The following RASAL2 variants were observed in gnomAD, a reference collection of about 807,000 sequenced individuals.
RASAL2 encodes ras GTPase-activating protein nGAP.
A neutral mutation model predicts 128.9 loss-of-function variants in RASAL2; 58 were observed. The ratio of observed to expected loss-of-function variants is 0.45; its 90% CI spans 0.36 to 0.56. RASAL2 has a LOEUF of 0.56. Among genes scored for constraint, RASAL2 ranks in the 20% least tolerant of loss-of-function variants. The probability of loss-of-function intolerance (pLI) is 0.00; values close to 1 mark genes in which losing one functional copy is unlikely to be tolerated. For missense variants in RASAL2, 1,360 were observed against 1,601.6 expected (o/e 0.85, Z 2.57); for synonymous variants, 561 against 580.8 (o/e 0.97, Z 0.49).
intron 6 of RASAL2, among the ~76,000 whole-genome samples, chr1:178,441,060 A>G (rs1389336356): frequency 1.2e-4 from 15 of 123,740 alleles, no homozygotes. Context: ...ATTTCCTTGG[A>G]TGAATTTAAA....
chr1:178,197,274 G>T (rs1374737891), intron 1 of RASAL2, among the ~76,000 whole-genome samples: 2 of 152,102 alleles, frequency 1.3e-5, no homozygotes, highest in East Asian at 3.8e-4. Context: ...TGACCAACAT[G>T]GTGAAACCTC....
chr1:178,303,872 T>C (rs559554871), intron 3 of RASAL2, among the ~76,000 whole-genome samples: 75 of 152,216 alleles, frequency 4.9e-4, no homozygotes, highest in Non-Finnish European at 8.2e-4. Flanking sequence ...TCCGTTTATA[T>C]CAAGTTCCAA....
intron 1 of RASAL2, among the ~76,000 whole-genome samples, chr1:178,209,152 C>A (rs1364273605): frequency 6.6e-6 from 1 of 151,606 alleles, no homozygotes; most frequent in Non-Finnish European, 1.5e-5. Context: ...TTAAATTATC[C>A]CACCCCACAC....
At position 178,114,521 on chromosome 1, in the gene RASAL2, G is replaced by A. The variant is rs577663324; in HGVS notation, c.202+19827G>A. ...TATTGTGAATAACCTTGATTTTTGA[G>A]GTTTTTTTTTTTTTCTTTGAGATGG... is the stretch of plus-strand genomic sequence containing the variant. On this transcript the variant is annotated intron_variant, in intron 1 of 17. Coordinates refer to ENST00000367649, the MANE Select transcript of RASAL2 (RefSeq NM_170692.4). Among the ~76,000 whole-genome samples, 81 of 147,588 alleles carry A rather than the reference G, an allele frequency of 5.5e-4. 3 individuals carry two copies. In the South Asian group the frequency reaches 0.014, roughly 26 times the overall value.
intron 1 of RASAL2, among the ~76,000 whole-genome samples, chr1:178,099,131 A>G (rs529745694): frequency 4.7e-4 from 72 of 152,364 alleles, no homozygotes; most frequent in African/African-American, 1.7e-3. Context: ...TATGGCTAGA[A>G]GAAAATCAGT....
In RASAL2 at chr1:178,162,404, T is replaced by A. The variant is rs1362426894; in HGVS notation, c.202+67710T>A. 1.7e-3 allele frequency among the ~76,000 whole-genome samples: 200 copies of A among 118,076 alleles called. 1 individual carries two copies. Among genetic ancestry groups the A allele is most frequent in the African/African-American group, 6.5e-3 (191 of 29,496 alleles). The allele number at this position is 118,076 out of a possible 152,430, so 77.5% of individuals were successfully genotyped here. Reference sequence around the variant, plus strand: ...TTATATATTATATATATTATATATTTTATATATTATATATAATATTATATA... The same window carrying A: ...TTATATATTATATATATTATATATTATATATATTATATATAATATTATATA... On this transcript the variant is annotated intron_variant, in intron 1 of 17. Transcript: ENST00000367649.
At chr1:178,395,390 T>C (rs1379826145) in intron 4 of RASAL2, among the ~76,000 whole-genome samples, 1 of 152,180 alleles carries the variant, frequency 6.6e-6, no homozygotes, top group East Asian at 1.9e-4. Context: ...CATAAGAAAC[T>C]AAGAAGCAGT....
At chr1:178,335,480 C>T (rs1327285675) in intron 3 of RASAL2, among the ~76,000 whole-genome samples, 2 of 152,140 alleles carry the variant, frequency 1.3e-5, no homozygotes, top group Non-Finnish European at 2.9e-5. Context: ...AAATTTGGGG[C>T]CAGACTGCTG....
At chr1:178,434,300 G>A (rs1298914662) in intron 5 of RASAL2, among the ~76,000 whole-genome samples, 2 of 152,096 alleles carry the variant, frequency 1.3e-5, no homozygotes, top group African/African-American at 4.8e-5. Flanking sequence ...CTACTCCCTA[G>A]AATATGTCTT....
chr1:178,296,394 C>T (rs1449168139), intron 2 of RASAL2, among the ~76,000 whole-genome samples: 1 of 152,096 alleles, frequency 6.6e-6, no homozygotes, highest in African/African-American at 2.4e-5. Context: ...GGGTCTCACT[C>T]TGTCACCCAG....
chr1:178,385,711 A>G (rs1457824990), intron 3 of RASAL2, among the ~76,000 whole-genome samples: 1 of 152,138 alleles, frequency 6.6e-6, no homozygotes, highest in African/African-American at 2.4e-5. Flanking sequence ...GGCCAGTATT[A>G]TCTGAACATG....
chr1:178,225,582 G>A (rs896842474), intron 1 of RASAL2, among the ~76,000 whole-genome samples: 1 of 151,860 alleles, frequency 6.6e-6, no homozygotes, highest in African/African-American at 2.4e-5. Flanking sequence ...AGAGGTCTAA[G>A]GTGATTTCTT....
chr1:178,249,729 G>T (rs989847350), intron 1 of RASAL2, among the ~76,000 whole-genome samples: 2 of 151,998 alleles, frequency 1.3e-5, no homozygotes. Flanking sequence ...TTTCTGTATG[G>T]GTCGTTTTTG....
chr1:178,284,368 A>T (rs1666922714), intron 2 of RASAL2, among the ~76,000 whole-genome samples: 1 of 152,312 alleles, frequency 6.6e-6, no homozygotes, highest in South Asian at 2.1e-4. Flanking sequence ...TGCCAGTGTC[A>T]CCTACTGGCC....
chr1:178,314,429 G>A (rs1212335262), intron 3 of RASAL2, among the ~76,000 whole-genome samples: 1 of 152,116 alleles, frequency 6.6e-6, no homozygotes, highest in African/African-American at 2.4e-5. Flanking sequence ...TCCTACTTTA[G>A]ATTACAGATT....
At chr1:178,203,566 T>G (rs1399872815) in intron 1 of RASAL2, among the ~76,000 whole-genome samples, 3 of 152,226 alleles carry the variant, frequency 2.0e-5, no homozygotes, top group Non-Finnish European at 4.4e-5. Flanking sequence ...TTTTGCTTCC[T>G]ATTCCTGCAA....
At chr1:178,258,219 G>C (rs935330933) in intron 1 of RASAL2, among the ~76,000 whole-genome samples, 1 of 151,410 alleles carries the variant, frequency 6.6e-6, no homozygotes, top group Non-Finnish European at 1.5e-5. Flanking sequence ...ACTTGAACCC[G>C]GGAGGTGGAG....
At chr1:178,366,128 T>G (rs1671385810) in intron 3 of RASAL2, among the ~76,000 whole-genome samples, 1 of 152,206 alleles carries the variant, frequency 6.6e-6, no homozygotes, top group Non-Finnish European at 1.5e-5. Context: ...TGTCCTTTGT[T>G]TTAGAAAATG....
rs1337404160 is a variant in RASAL2, at chr1:178,141,870, T to C, written c.202+47176T>C. 7.9e-5 allele frequency among the ~76,000 whole-genome samples: 12 copies of C among 151,908 alleles called. No homozygotes were observed. In the East Asian group the frequency reaches 2.3e-3, roughly 29 times the overall value. The stretch of plus-strand genomic sequence containing the variant: ...ATGTATGGCCTAAAGTGCAGGGGCA[T>C]ATGGGTGTAGGTGGTGAAAGTGGGG... On this transcript the variant is annotated intron_variant, in intron 1 of 17. Coordinates refer to ENST00000367649, the MANE Select transcript of RASAL2 (RefSeq NM_170692.4).
Sources: gnomAD v4.1 joint callset for allele counts (sites outside exome capture counted in the v4.1 genomes callset) on GRCh38, gnomAD v4.1.1 for gene constraint, MANE v1.5 for transcripts, NCBI Gene and HGNC (gene_info 2026-07-23, HGNC 2026-07-21) for gene names.